NDUFS2: variants seen among roughly 807,000 people sequenced by gnomAD.
NDUFS2 encodes the protein NADH:ubiquinone oxidoreductase core subunit S2.
A neutral mutation model predicts 69.6 loss-of-function variants in NDUFS2; 38 were observed. The observed-to-expected ratio is 0.55, with a 90% CI of 0.42 to 0.72. The LOEUF is 0.72. NDUFS2 is among the 30% of genes least tolerant of loss of function. The probability of loss-of-function intolerance (pLI) is 0.00; values close to 1 mark genes in which losing one functional copy is unlikely to be tolerated. For missense variants in NDUFS2, 468 were observed against 595.0 expected, an observed-to-expected ratio of 0.79 and a Z score of 2.22; for synonymous variants, 194 against 211.2, an observed-to-expected ratio of 0.92 and a Z score of 0.70.
upstream of NDUFS2, chr1:161,199,394 C>T (rs1444335159): frequency 6.6e-6 from 1 of 152,360 alleles, no homozygotes; most frequent in Non-Finnish European, 1.5e-5. Context: ...AGAATTCCTG[C>T]TCTTATAGTC....
chr1:161,214,285 G>GTA lies in NDUFS2; in HGVS notation c.*93_*94insAT. On this transcript the variant is annotated 3_prime_UTR_variant, in exon 14 of 14. Transcript: ENST00000676972. ...AATTGGCCTCTGTGTGTGTGTGTGT[G>GTA]TGTGTGTGTGTGTGTATGTTCATGT... 6 of 1,118,042 alleles carry GTA rather than the reference G, an allele frequency of 5.4e-6. No homozygotes were observed. Among genetic ancestry groups the GTA allele is most frequent in the Non-Finnish European group, 8.1e-6 (6 of 740,470 alleles). 69.3% of individuals were successfully genotyped at this position (1,118,042 alleles called of 1,614,324 possible).
intron 3 of NDUFS2, among the ~76,000 whole-genome samples, chr1:161,207,986 T>C (rs1348621534): frequency 7.1e-6 from 1 of 141,802 alleles, no homozygotes; most frequent in Non-Finnish European, 1.5e-5. Flanking sequence ...ATTTTTTTTT[T>C]TTTTTTTTTT....
Position 161,202,445 on chromosome 1 carries a change from T to G in NDUFS2, c.60T>G (p.Pro20=), listed in dbSNP as rs747845182. The stretch of plus-strand genomic sequence containing the variant: ...GCGTCGCGGCCCAGGTGCTGCGGCC[T>G]GGGGCTGGAGTCCGATTGCCGATTC... ...FRGVAAQVLR[P]GAGVRLPIQP... is the part of the protein sequence containing the mutation. The change falls in exon 1 of 14, where the codon CCT becomes CCG. Residue 20 remains proline, a synonymous_variant. Transcript: ENST00000676972. 1 of 1,612,464 alleles carries G rather than the reference T, an allele frequency of 6.2e-7. No homozygotes were observed. The highest frequency in any genetic ancestry group is 8.5e-7 in the Non-Finnish European group (1 of 1,179,632).
At chr1:161,212,818 C>T (rs1665843651) in intron 10 of NDUFS2, among the ~76,000 whole-genome samples, 1 of 152,104 alleles carries the variant, frequency 6.6e-6, no homozygotes, top group Non-Finnish European at 1.5e-5. Flanking sequence ...TCCCAAAGTG[C>T]TGGGATTACA....
At chr1:161,213,566 A>G in intron 11 of NDUFS2, 83 bp from the exon 12 acceptor site, 2 of 1,547,516 alleles carry the variant, frequency 1.3e-6, no homozygotes, top group Non-Finnish European at 1.8e-6. Flanking sequence ...AATGAGAGAG[A>G]AAACAGAATG....
intron 3 of NDUFS2, among the ~76,000 whole-genome samples, chr1:161,207,313 A>C (rs1665521335): frequency 6.6e-6 from 1 of 152,204 alleles, no homozygotes; most frequent in Admixed American, 6.5e-5. Flanking sequence ...CCCCCGTCAC[A>C]GTGACATCAG....
chr1:161,210,754 C>G (rs1156241580), intron 9 of NDUFS2, 44 bp downstream of exon 9: 1 of 1,613,018 alleles, frequency 6.2e-7, no homozygotes, highest in Non-Finnish European at 8.5e-7. Flanking sequence ...AGCTAGTTTC[C>G]CCTGCCTCAC....
chr1:161,202,168 G>T, upstream of NDUFS2: 1 of 604,890 alleles, frequency 1.7e-6, no homozygotes, highest in East Asian at 2.8e-5. Context: ...AGGAGCTGTG[G>T]GAGGAAACGC....
upstream of NDUFS2, among the ~76,000 whole-genome samples, chr1:161,201,607 G>T (rs1173405281): frequency 1.3e-5 from 2 of 152,232 alleles, no homozygotes; most frequent in African/African-American, 4.8e-5. Context: ...AGGGAAAAGA[G>T]GCTGACGCAA....
chr1:161,198,666 A>G (rs2102021047), upstream of NDUFS2: 2 of 1,451,294 alleles, frequency 1.4e-6, no homozygotes, highest in Non-Finnish European at 1.8e-6. The surrounding 1 kb of genome is among the most constrained non-coding windows in gnomAD (Gnocchi z 4.7). Context: ...GAGGCCGTCT[A>G]GGGCACCAAG....
At chr1:161,206,669 G>A in intron 3 of NDUFS2, 72 bp downstream of exon 3, 2 of 1,528,624 alleles carry the variant, frequency 1.3e-6, no homozygotes, top group Non-Finnish European at 8.9e-7. Flanking sequence ...CCAGTTTGCT[G>A]CCCTTAAAAC....
chr1:161,210,104 C>A lies in NDUFS2; in HGVS notation c.703-7C>A. On this transcript the variant is annotated splice_polypyrimidine_tract_variant and splice_region_variant and intron_variant, in intron 6 of 13. Transcript: ENST00000676972. ...CACATTCAGTAGCACTTCCGTTTGG[C>A]TTCTAGGACCTACCCCTTGGGCTTA... 6.2e-7 allele frequency: 1 copy of A among 1,613,986 alleles called. No homozygotes were observed. Among genetic ancestry groups the A allele is most frequent in the East Asian group, 2.2e-5 (1 of 44,884 alleles).
intron 3 of NDUFS2, among the ~76,000 whole-genome samples, chr1:161,207,365 C>G (rs989561068): frequency 3.9e-5 from 6 of 152,214 alleles, no homozygotes; most frequent in African/African-American, 1.4e-4. Context: ...CTTAGCTCCA[C>G]CCTCTTCCTG....
intron 8 of NDUFS2, 38 bp from the exon 9 acceptor site, chr1:161,210,553 G>A (rs1473571897): frequency 6.2e-7 from 1 of 1,613,836 alleles, no homozygotes; most frequent in Non-Finnish European, 8.5e-7. Flanking sequence ...TACTTAGTTT[G>A]TGGAGAGTGG....
upstream of NDUFS2, chr1:161,197,972 A>G: frequency 2.0e-6 from 3 of 1,537,898 alleles, no homozygotes; most frequent in Non-Finnish European, 2.6e-6. Flanking sequence ...ACACCGCAGG[A>G]CACAGACTCC....
At chr1:161,202,177 GC>G (rs1665164213), upstream of NDUFS2, 5 of 610,962 alleles carry the variant, frequency 8.2e-6, no homozygotes, top group Admixed American at 1.3e-4. Flanking sequence ...GGGAGGAAAC[GC>G]CCTCAGTAAA....
chr1:161,213,967 C>T (rs1049281061), intron 13 of NDUFS2, 46 bp downstream of exon 13: 5 of 1,613,964 alleles, frequency 3.1e-6, no homozygotes, highest in South Asian at 2.2e-5. Context: ...CAAAGGAGTT[C>T]GGGACGCCCA....
At position 161,203,504 on chromosome 1, in the gene NDUFS2, A is replaced by T; in HGVS notation, c.163A>T (p.Ser55Cys). 1 of 1,614,040 alleles carries T rather than the reference A, an allele frequency of 6.2e-7. No individual in the cohort carries two copies. Among genetic ancestry groups the T allele is most frequent in the Admixed American group, 1.7e-5 (1 of 60,030 alleles). Residue 55 changes from serine (S) to cysteine (C), a missense_variant, in exon 2 of 14, where the codon AGC becomes TGC. By Grantham distance (112) the Ser-to-Cys change is moderately radical. Coordinates refer to ENST00000676972, the MANE Select transcript of NDUFS2 (RefSeq NM_001377299.1). ...QQFGGAVMYP[S>C]KETAHWKPPP... ...GTTTGGGGGAGCTGTTATGTACCCA[A>T]GCAAAGAAACAGCCCACTGGAAGCC...
upstream of NDUFS2, chr1:161,198,037 C>T (rs1351795158): frequency 5.6e-6 from 9 of 1,593,520 alleles, no homozygotes; most frequent in Middle Eastern, 1.7e-4. This position sits in a 1 kb window ranked among gnomAD's most constrained non-coding sequence, Gnocchi z 4.7. Flanking sequence ...CAAGAGGAGC[C>T]TTGACGTTGC....
Sources: gnomAD v4.1 joint callset for allele counts (sites outside exome capture counted in the v4.1 genomes callset) on GRCh38, gnomAD v4.1.1 for gene constraint, Gnocchi (gnomAD v3.1) non-coding constraint, MANE v1.5 for transcripts, NCBI Gene and HGNC (gene_info 2026-07-23, HGNC 2026-07-21) for gene names.